Variants in IQGAP2 observed in about 807,000 individuals in gnomAD.
IQGAP2 encodes ras GTPase-activating-like protein IQGAP2.
A neutral mutation model predicts 201.3 loss-of-function variants in IQGAP2; 173 were observed. The observed-to-expected ratio is 0.86, with a 90% CI of 0.76 to 0.98. IQGAP2 has a LOEUF of 0.98. IQGAP2 is among the 50% of genes least tolerant of loss of function. The pLI is 0.00. For synonymous variants in IQGAP2, 675 were observed against 673.9 expected, an observed-to-expected ratio of 1.00 and a Z score of -0.03; for missense variants, 1,687 against 1,864.8, an observed-to-expected ratio of 0.90 and a Z score of 1.76.
chr5:76,535,057 A>G (rs1003905221), intron 2 of IQGAP2, among the ~76,000 whole-genome samples: 3 of 152,186 alleles, frequency 2.0e-5, no homozygotes, highest in Admixed American at 6.5e-5. Flanking sequence ...CACAGCAGGT[A>G]GGGAGTAGAG....
At position 76,627,460 on chromosome 5, in the gene IQGAP2, C is replaced by T. The variant is rs2431351; in HGVS notation, c.1572C>T (p.Ala524=). Residue 524 remains alanine (A), a synonymous_variant, in exon 14 of 36, where the codon GCC becomes GCT. Transcript: ENST00000274364. ...KVLWLDEIQQ[A]VDDANVDKDR... The stretch of plus-strand genomic sequence containing the variant: ...TTTGGCTGGATGAGATACAGCAAGC[C>T]GTCGATGATGCCAACGTGGACAAGG... 0.57 allele frequency: 909,057 copies of T among 1,587,932 alleles called. 263,112 individuals carry two copies. The highest frequency in any genetic ancestry group is 0.6 in the Middle Eastern group (3,638 of 6,022).
chr5:76,454,408 A>G (rs1163665441), intron 1 of IQGAP2, among the ~76,000 whole-genome samples: 1 of 150,988 alleles, frequency 6.6e-6, no homozygotes, highest in Non-Finnish European at 1.5e-5. Flanking sequence ...GTCCTTTAGC[A>G]TTAGGTATAT....
At position 76,693,330 on chromosome 5, in the gene IQGAP2, C is replaced by T. The variant is rs564481995; in HGVS notation, c.3906-25C>T. 1.5e-5 allele frequency: 24 copies of T among 1,562,586 alleles called. No homozygotes were observed. In the South Asian group the frequency reaches 2.6e-4, roughly 17 times the overall value. ...TGCATAAGGACTACAGTCTGAAAGT[C>T]TGTCTCTTTCTCTGGTTTGTTAAGG... On this transcript the variant is annotated intron_variant, in intron 30 of 35. Coordinates refer to ENST00000274364, the MANE Select transcript of IQGAP2 (RefSeq NM_006633.5).
chr5:76,599,217 A>T (rs1315046876), intron 10 of IQGAP2, among the ~76,000 whole-genome samples: 2 of 152,178 alleles, frequency 1.3e-5, no homozygotes, highest in African/African-American at 4.8e-5. Flanking sequence ...ATCTTTACAA[A>T]AATAATAATA....
chr5:76,552,842 A>G (rs1479889503), intron 2 of IQGAP2, among the ~76,000 whole-genome samples: 1 of 152,164 alleles, frequency 6.6e-6, no homozygotes, highest in African/African-American at 2.4e-5. Flanking sequence ...AGTGAGACAT[A>G]AGTCCTCTGC....
chr5:76,560,878 A>G (rs1158591206), intron 2 of IQGAP2, among the ~76,000 whole-genome samples: 1 of 152,242 alleles, frequency 6.6e-6, no homozygotes, highest in African/African-American at 2.4e-5. Context: ...CAAACCTTGA[A>G]TAGACTGTTT....
At chr5:76,499,524 T>C (rs1282279223) in intron 2 of IQGAP2, among the ~76,000 whole-genome samples, 1 of 152,204 alleles carries the variant, frequency 6.6e-6, no homozygotes, top group African/African-American at 2.4e-5. Flanking sequence ...CTGAGCTCTT[T>C]GGGCCAATTG....
At chr5:76,642,370 A>G (rs1190804597) in intron 17 of IQGAP2, among the ~76,000 whole-genome samples, 1 of 152,154 alleles carries the variant, frequency 6.6e-6, no homozygotes, top group Non-Finnish European at 1.5e-5. Flanking sequence ...AAGGACAGGA[A>G]CGATCATTTG....
At chr5:76,511,805 C>G (rs1026451886) in intron 2 of IQGAP2, among the ~76,000 whole-genome samples, 1 of 151,588 alleles carries the variant, frequency 6.6e-6, no homozygotes, top group African/African-American at 2.4e-5. Context: ...CTCAGCCTCC[C>G]GAGTAGCTGG....
At chr5:76,541,869 A>G (rs1019632933) in intron 2 of IQGAP2, among the ~76,000 whole-genome samples, 1 of 152,256 alleles carries the variant, frequency 6.6e-6, no homozygotes, top group Admixed American at 6.5e-5. Flanking sequence ...ACTCATAGCC[A>G]ACCTTCACTT....
chr5:76,672,099 C>A, intron 24 of IQGAP2, 116 bp downstream of exon 24: 3 of 724,778 alleles, frequency 4.1e-6, no homozygotes, highest in Non-Finnish European at 7.0e-6. Flanking sequence ...GTTATCAATC[C>A]AAAATGTTAC....
intron 2 of IQGAP2, among the ~76,000 whole-genome samples, chr5:76,500,316 G>GGA (rs980861307): frequency 1.3e-5 from 2 of 152,124 alleles, no homozygotes; most frequent in African/African-American, 2.4e-5. Context: ...CCTAAGAAAC[G>GGA]GAGATGTTCT....
At chr5:76,553,687 CT>C (rs1347321942) in intron 2 of IQGAP2, among the ~76,000 whole-genome samples, 11 of 152,272 alleles carry the variant, frequency 7.2e-5, no homozygotes, top group African/African-American at 2.6e-4. Context: ...TTTCTCTCCC[CT>C]TCTGCCACAA....
At position 76,436,476 on chromosome 5, in the gene IQGAP2, C is replaced by T. The variant is rs1462330816; in HGVS notation, c.47-25094C>T. 1.9e-4 allele frequency among the ~76,000 whole-genome samples: 4 copies of T among 21,474 alleles called. No homozygotes were observed. The East Asian group carries it at 7.8e-3, about 42-fold the overall frequency. The allele number at this position is 21,474 out of a possible 152,430, so 14.1% of individuals were successfully genotyped here. ...CTTTTTCTGCATCTATTGAGATGATCATATATATATATATATATATATATA... is the reference window on the plus strand; with the variant it reads ...CTTTTTCTGCATCTATTGAGATGATTATATATATATATATATATATATATA... On this transcript the variant is annotated intron_variant, in intron 1 of 35. Coordinates refer to ENST00000274364, the MANE Select transcript of IQGAP2 (RefSeq NM_006633.5).
In IQGAP2 at chr5:76,590,858, G is replaced by A. The variant is rs190968733; in HGVS notation, c.819+272G>A. 7.9e-5 allele frequency among the ~76,000 whole-genome samples: 12 copies of A among 152,256 alleles called. No individual in the cohort carries two copies. In the East Asian group the frequency reaches 1.2e-3, roughly 15 times the overall value. The stretch of plus-strand genomic sequence containing the variant: ...TCCCAGCACTTTGGGAGGCTGCAGC[G>A]GGAGGGTCCTTTGAGTCCAGGAGTT... On this transcript the variant is annotated intron_variant, in intron 8 of 35. Coordinates refer to ENST00000274364, the MANE Select transcript of IQGAP2 (RefSeq NM_006633.5).
chr5:76,704,984 T>C (rs527719314), intron 35 of IQGAP2, among the ~76,000 whole-genome samples: 41 of 152,336 alleles, frequency 2.7e-4, no homozygotes, highest in African/African-American at 9.6e-4. Context: ...AACCATAGGA[T>C]AGAATTATAT....
chr5:76,515,866 G>T (rs1211578609), intron 2 of IQGAP2, among the ~76,000 whole-genome samples: 1 of 148,662 alleles, frequency 6.7e-6, no homozygotes, highest in Non-Finnish European at 1.5e-5. Flanking sequence ...GGAACAAGGG[G>T]GTGATCTTTT....
intron 13 of IQGAP2, among the ~76,000 whole-genome samples, chr5:76,621,213 G>C (rs1749635851): frequency 6.6e-6 from 1 of 152,276 alleles, no homozygotes; most frequent in East Asian, 1.9e-4. Context: ...TAGCTCCCGG[G>C]TGAAATGGAA....
chr5:76,488,383 T>G (rs938890878), intron 2 of IQGAP2, among the ~76,000 whole-genome samples: 1 of 152,188 alleles, frequency 6.6e-6, no homozygotes, highest in Admixed American at 6.5e-5. Context: ...TTTAAAAAAA[T>G]TATTGGTTGT....
Sources: allele counts gnomAD v4.1 joint callset (sites outside exome capture counted in the v4.1 genomes callset), GRCh38; gene constraint gnomAD v4.1.1; transcripts MANE v1.5; gene names NCBI Gene and HGNC (gene_info 2026-07-23, HGNC 2026-07-21).